SGIP1: variants seen among roughly 807,000 people sequenced by gnomAD.
The protein encoded by SGIP1 is SH3-containing GRB2-like protein 3-interacting protein 1.
In SGIP1, 38 loss-of-function variants were observed where a neutral mutation model predicts 107.5. That is an observed-to-expected ratio of 0.35 (90% CI 0.27 to 0.46). SGIP1 has a LOEUF of 0.46. SGIP1 is among the 20% of genes least tolerant of loss of function. SGIP1 has a pLI of 1.00. For synonymous variants in SGIP1, 365 were observed against 366.1 expected (o/e 1.00, Z 0.03); for missense variants, 929 against 1,019.5 (o/e 0.91, Z 1.21).
rs780098218 is a variant in SGIP1 at position 66,669,754 on chromosome 1, A to T, written c.484-1241A>T. 2.6e-5 allele frequency among the ~76,000 whole-genome samples: 4 copies of T among 152,178 alleles called. No homozygotes were observed. The East Asian group carries it at 5.8e-4, about 22-fold the overall frequency. On this transcript the variant is annotated intron_variant, in intron 9 of 24. Transcript: ENST00000371037. ...CACATTATTAGACAAAAAGCCAGAA[A>T]ATGTAGTTTGAGAGATTGAGAAAGC...
intron 20 of SGIP1, among the ~76,000 whole-genome samples, chr1:66,732,738 T>C (rs1459234358): frequency 1.3e-5 from 2 of 151,176 alleles, no homozygotes; most frequent in Non-Finnish European, 3.0e-5. Flanking sequence ...TTTTCTCTCT[T>C]TTTTTTTTAA....
chr1:66,596,084 G>T (rs900410272), intron 1 of SGIP1, among the ~76,000 whole-genome samples: 2 of 152,152 alleles, frequency 1.3e-5, no homozygotes, highest in Non-Finnish European at 2.9e-5. Flanking sequence ...ACATAAAACA[G>T]GTGAAATCTG....
intron 8 of SGIP1, among the ~76,000 whole-genome samples, chr1:66,667,195 T>A (rs2082762589): frequency 6.6e-6 from 1 of 151,794 alleles, no homozygotes; most frequent in African/African-American, 2.4e-5. Flanking sequence ...CCCCAAACTA[T>A]CTGGAGAAAA....
intron 18 of SGIP1, among the ~76,000 whole-genome samples, chr1:66,715,231 A>T (rs2093166946): frequency 6.6e-6 from 1 of 152,214 alleles, no homozygotes; most frequent in Non-Finnish European, 1.5e-5. Flanking sequence ...AATGATATGT[A>T]GACCAAATAG....
intron 20 of SGIP1, 89 bp from the exon 21 acceptor site, chr1:66,733,659 T>C (rs2094115222): frequency 7.0e-7 from 1 of 1,429,278 alleles, no homozygotes; most frequent in Non-Finnish European, 9.5e-7. Context: ...TGGCTGTACA[T>C]ATCAGACGAC....
chr1:66,694,998 T>C, intron 17 of SGIP1: 1 of 278,106 alleles, frequency 3.6e-6, no homozygotes, highest in Non-Finnish European at 6.6e-6. Context: ...AAACCTAAGC[T>C]AATGTTTTCT....
In SGIP1 at chr1:66,644,001, G is replaced by T. The variant is rs987154058; in HGVS notation, c.459+282G>T. The T allele has an allele frequency of 4.6e-5, 9 of 196,400 alleles. No individual in the cohort carries two copies. The South Asian group carries it at 1.3e-3, about 29-fold the overall frequency. 12.2% of individuals were successfully genotyped at this position (196,400 alleles called of 1,614,324 possible). A position where few individuals can be genotyped will look rare whatever the true frequency, so the allele number is the denominator to read the frequency against. ...TTTTAAAAAGAAAAAAAAATAAAAA[G>T]ATTATCCAGAATTATCTCTCATGCA... On this transcript the variant is annotated intron_variant, in intron 7 of 24. Transcript: ENST00000371037.
At chr1:66,685,746 T>C (rs2088050165) in intron 15 of SGIP1, among the ~76,000 whole-genome samples, 1 of 152,218 alleles carries the variant, frequency 6.6e-6, no homozygotes, top group East Asian at 1.9e-4. Flanking sequence ...TTGCTTAACA[T>C]TAATATAAAA....
intron 1 of SGIP1, among the ~76,000 whole-genome samples, chr1:66,556,989 C>T (rs543591628): frequency 1.6e-4 from 25 of 152,180 alleles, no homozygotes; most frequent in African/African-American, 5.3e-4. Context: ...ACAAGTTTAA[C>T]ATTCAGATTT....
chr1:66,599,109 T>G (rs1258115440), intron 1 of SGIP1, among the ~76,000 whole-genome samples: 1 of 152,178 alleles, frequency 6.6e-6, no homozygotes, highest in Non-Finnish European at 1.5e-5. Context: ...TTCTTTCAAT[T>G]TATGTGTATT....
At chr1:66,602,496 C>T (rs1273648175) in intron 1 of SGIP1, among the ~76,000 whole-genome samples, 1 of 152,202 alleles carries the variant, frequency 6.6e-6, no homozygotes, top group East Asian at 1.9e-4. Context: ...GTAAGATCTG[C>T]CTCCCTGCCA....
chr1:66,634,546 C>T (rs2075420995), intron 3 of SGIP1, among the ~76,000 whole-genome samples: 1 of 152,194 alleles, frequency 6.6e-6, no homozygotes, highest in Admixed American at 6.5e-5. Flanking sequence ...CCCCCCAGGG[C>T]AGGGCTTCAT....
chr1:66,579,090 C>T (rs938637837), intron 1 of SGIP1, among the ~76,000 whole-genome samples: 8 of 152,154 alleles, frequency 5.3e-5, no homozygotes, highest in African/African-American at 1.9e-4. Context: ...GGTTTCACTT[C>T]TATTTATTTT....
At chr1:66,597,429 T>C (rs750957729) in intron 1 of SGIP1, among the ~76,000 whole-genome samples, 5 of 152,358 alleles carry the variant, frequency 3.3e-5, no homozygotes, top group Middle Eastern at 3.4e-3. Context: ...TATGAAACTG[T>C]AAAATAACTA....
rs68140189 is a variant in SGIP1 at position 66,687,313 on chromosome 1, AT to A, written c.1316-1834del. 1.8e-4 allele frequency among the ~76,000 whole-genome samples: 27 copies of A among 151,162 alleles called. 1 individual carries two copies. Among genetic ancestry groups the A allele is most frequent in the African/African-American group, 1.9e-4 (8 of 41,406 alleles). On this transcript the variant is annotated intron_variant, in intron 15 of 24. Coordinates refer to ENST00000371037, the MANE Select transcript of SGIP1 (RefSeq NM_032291.4). The stretch of plus-strand genomic sequence containing the variant: ...CCATCAACACCAAAAAAAAAAAAAA[AT>A]GTCCTGAGACTTCACTGTTTAAAGA...
chr1:66,643,831 C>G, intron 7 of SGIP1, 112 bp downstream of exon 7: 2 of 906,942 alleles, frequency 2.2e-6, no homozygotes, highest in Non-Finnish European at 3.1e-6. Context: ...TGCATATGGT[C>G]ACCATATCAT....
In SGIP1 at chr1:66,690,236, T is replaced by C. The variant is rs779853610; in HGVS notation, c.1490T>C (p.Ile497Thr). Reference sequence around the variant, plus strand: ...ATTCATTCTTCCAGCCCTCCTCCAATAGCACCCTTAGCGCGGGCTGAAAGC... The same window carrying C: ...ATTCATTCTTCCAGCCCTCCTCCAACAGCACCCTTAGCGCGGGCTGAAAGC... ...PPIHSSSPPP[I>T]APLARAESTS... The change falls in exon 17 of 25, where the codon ATA becomes ACA. Residue 497 changes from isoleucine to threonine, a missense_variant. Ile to Thr is a moderately conservative substitution (Grantham distance 89). Transcript: ENST00000371037. 18 of 1,614,040 alleles carry C rather than the reference T, an allele frequency of 1.1e-5. No individual in the cohort carries two copies. Among genetic ancestry groups the C allele is most frequent in the South Asian group, 2.2e-5 (2 of 91,084 alleles).
chr1:66,622,147 G>A (rs2071309157), intron 1 of SGIP1, among the ~76,000 whole-genome samples: 1 of 152,156 alleles, frequency 6.6e-6, no homozygotes, highest in African/African-American at 2.4e-5. Flanking sequence ...AATTGCCTAG[G>A]ACAAAGCCCT....
At position 66,675,541 on chromosome 1, in the gene SGIP1, C is replaced by CTTT. The variant is rs71242802; in HGVS notation, c.647-1447_647-1445dup. 7.5e-3 allele frequency among the ~76,000 whole-genome samples: 839 copies of CTTT among 112,234 alleles called. 36 individuals are homozygous for CTTT. The highest frequency in any genetic ancestry group is 0.012 in the African/African-American group (298 of 25,642). The allele number at this position is 112,234 out of a possible 152,430, so 73.6% of individuals were successfully genotyped here. A position where few individuals can be genotyped will look rare whatever the true frequency, so the allele number is the denominator to read the frequency against. On this transcript the variant is annotated intron_variant, in intron 12 of 24. Coordinates refer to ENST00000371037, the MANE Select transcript of SGIP1 (RefSeq NM_032291.4). ...GTTGTTTTTCTTTTTCTTTTTCTTT[C>CTTT]TTTTTTTTTTTTTTTTTTGACAGAA...
Sources: allele counts gnomAD v4.1 joint callset (sites outside exome capture counted in the v4.1 genomes callset), GRCh38; gene constraint gnomAD v4.1.1; transcripts MANE v1.5; gene names NCBI Gene and HGNC (gene_info 2026-07-23, HGNC 2026-07-21).